Variants in KIF26A observed in about 807,000 individuals in gnomAD.
KIF26A encodes kinesin-like protein KIF26A.
A neutral mutation model predicts 126.0 loss-of-function variants in KIF26A; 74 were observed. The observed-to-expected ratio is 0.59, with a 90% confidence interval of 0.49 to 0.71. The LOEUF is 0.71. KIF26A is among the 30% of genes least tolerant of loss of function. KIF26A has a pLI of 0.00. For synonymous variants in KIF26A, 1,445 were observed against 1,232.7 expected, an observed-to-expected ratio of 1.17 and a Z score of -3.61; for missense variants, 2,984 against 2,763.3, an observed-to-expected ratio of 1.08 and a Z score of -1.79.
intron 4 of KIF26A, among the ~76,000 whole-genome samples, chr14:104,164,811 G>A (rs2039890): frequency 0.5 from 75,004 of 151,248 alleles, 18,863 homozygotes; most frequent in African/African-American, 0.59. Flanking sequence ...CTTTCTCTGT[G>A]TATCCTTGTC....
rs2038091668 is a variant in KIF26A at position 104,180,554 on chromosome 14, ATTTT to A, written c.*765_*768del. The A allele has an allele frequency of 6.6e-6, 1 of 152,568 alleles. No individual in the cohort carries two copies. Among genetic ancestry groups the A allele is most frequent in the Non-Finnish European group, 1.5e-5 (1 of 68,184 alleles). The allele number at this position is 152,568 out of a possible 1,614,324, so 9.5% of individuals were successfully genotyped here. ...TCTGTTAGGTTCATATTTTTATATC[ATTTT>A]GCCCATAAATGCGGAATTTGCCGTG... is the stretch of plus-strand genomic sequence containing the variant. On this transcript the variant is annotated 3_prime_UTR_variant, in exon 15 of 15. Transcript: ENST00000423312.
At chr14:104,174,009 C>G in intron 10 of KIF26A, 139 bp from the exon 11 acceptor site, 3 of 1,392,046 alleles carry the variant, frequency 2.2e-6, no homozygotes, top group Non-Finnish European at 1.9e-6. Context: ...CCTCGCTGCC[C>G]GTGGGCTGCC....
In KIF26A at chr14:104,177,854, G is replaced by C; in HGVS notation, c.5066G>C (p.Gly1689Ala). 6.4e-7 allele frequency: 1 copy of C among 1,562,180 alleles called. No individual in the cohort carries two copies. The highest frequency in any genetic ancestry group is 1.4e-5 in the African/African-American group (1 of 73,770). Residue 1689 changes from glycine to alanine, a missense_variant, in exon 12 of 15, where the codon GGC becomes GCC. By Grantham distance (60) the Gly-to-Ala change is moderately conservative. Transcript: ENST00000423312. ...AGCGAGAGTGGGGCTGCCTCCCCAG[G>C]CGCCCGCACCCGCAGCCTCAAGTCC... The part of the protein sequence containing the change: ...SMSESGAASP[G>A]ARTRSLKSPK...
intron 5 of KIF26A, among the ~76,000 whole-genome samples, chr14:104,170,876 C>T (rs543295217): frequency 3.7e-4 from 56 of 152,372 alleles, no homozygotes; most frequent in African/African-American, 1.2e-3. Flanking sequence ...AGGGTCTTCC[C>T]GAGTCCGGTG....
chr14:104,180,595 A>T lies in KIF26A; in HGVS notation c.*805A>T, dbSNP rs2038092141. ...CGGAATTTGCCGTGGGAATTTGAAG[A>T]CAAATGATCTATGTTTTTATGGTTT... On this transcript the variant is annotated 3_prime_UTR_variant, in exon 15 of 15. Coordinates refer to ENST00000423312, the MANE Select transcript of KIF26A (RefSeq NM_015656.2). 6.5e-6 allele frequency: 1 copy of T among 153,524 alleles called. No homozygotes were observed. The highest frequency in any genetic ancestry group is 1.5e-5 in the Non-Finnish European group (1 of 68,210). The allele number at this position is 153,524 out of a possible 1,614,324, so 9.5% of individuals were successfully genotyped here.
At chr14:104,164,677 CGTGTGTATGTGTGTGCTCTGT>C (rs2037863713) in intron 4 of KIF26A, among the ~76,000 whole-genome samples, 2 of 151,704 alleles carry the variant, frequency 1.3e-5, no homozygotes, top group Non-Finnish European at 2.9e-5. Context: ...TGCCTGTCTG[CGTGTGTATGTGTGTGCTCTGT>C]GTGTGTATGT....
rs745765923 is a variant in KIF26A, at chr14:104,177,519, C to A, written c.4731C>A (p.Gly1577=). Residue 1577 remains glycine, a synonymous_variant, in exon 12 of 15, where the codon GGC becomes GGA. Transcript: ENST00000423312. ...VHELSASGAP[G]RGGSSWGSAD... ...AGCTGTCAGCCAGTGGAGCCCCGGGCCGAGGTGGCTCCTCGTGGGGCTCGG... is the reference window on the plus strand; with the variant it reads ...AGCTGTCAGCCAGTGGAGCCCCGGGACGAGGTGGCTCCTCGTGGGGCTCGG... The A allele has an allele frequency of 2.0e-6, 3 of 1,535,848 alleles. No homozygotes were observed. The African/African-American group carries it at 4.1e-5, about 21-fold the overall frequency.
chr14:104,160,189 G>A (rs753967035), intron 4 of KIF26A, among the ~76,000 whole-genome samples: 2 of 152,162 alleles, frequency 1.3e-5, no homozygotes, highest in Non-Finnish European at 2.9e-5. Context: ...CTCAGGGAGC[G>A]GGCTTTGAGG....
chr14:104,156,654 G>T (rs556316140), intron 3 of KIF26A, among the ~76,000 whole-genome samples: 19 of 152,146 alleles, frequency 1.2e-4, no homozygotes, highest in Non-Finnish European at 2.8e-4. Flanking sequence ...CTCCATGGTG[G>T]TGAGGAGGGA....
chr14:104,161,124 AG>A (rs2037829005), intron 4 of KIF26A, among the ~76,000 whole-genome samples: 1 of 152,240 alleles, frequency 6.6e-6, no homozygotes, highest in Non-Finnish European at 1.5e-5. Flanking sequence ...TCCAGGACAC[AG>A]GAAGTGTGGA....
At chr14:104,166,178 G>GGGCA (rs2037898227) in intron 4 of KIF26A, among the ~76,000 whole-genome samples, 2 of 138,466 alleles carry the variant, frequency 1.4e-5, no homozygotes, top group African/African-American at 5.6e-5. Flanking sequence ...GACGAGGGTG[G>GGGCA]CAGGGGCCCA....
At chr14:104,158,863 C>T (rs1037024812) in intron 4 of KIF26A, among the ~76,000 whole-genome samples, 3 of 152,312 alleles carry the variant, frequency 2.0e-5, no homozygotes, top group South Asian at 4.1e-4. Context: ...TGTAAGGATG[C>T]GGATTACAGG....
chr14:104,171,677 G>A (rs374676074), intron 5 of KIF26A, 46 bp from the exon 6 acceptor site: 792 of 1,495,092 alleles, frequency 5.3e-4, no homozygotes, highest in Non-Finnish European at 6.1e-4. Flanking sequence ...ATTAGTGGCC[G>A]GCTGGGCGGA....
At position 104,172,764 on chromosome 14, in the gene KIF26A, C is replaced by A. The variant is rs554610148; in HGVS notation, c.1420+96C>A. On this transcript the variant is annotated intron_variant, in intron 7 of 14. Transcript: ENST00000423312. Reference sequence around the variant, plus strand: ...TGGCAGCTTCTGATGGGAAAGGAGGCTGGTCCTACACATGGGCCGTGGTGG... The same window carrying A: ...TGGCAGCTTCTGATGGGAAAGGAGGATGGTCCTACACATGGGCCGTGGTGG... 1.6e-4 allele frequency: 179 copies of A among 1,142,932 alleles called. 2 individuals are homozygous for A. The African/African-American group carries it at 2.3e-3, about 14-fold the overall frequency. 70.8% of individuals were successfully genotyped at this position (1,142,932 alleles called of 1,614,324 possible).
In KIF26A at chr14:104,171,802, C is replaced by T. The variant is rs182606134; in HGVS notation, c.1193C>T (p.Pro398Leu). ...AEAMSFLKVD[P>L]RKKQVILYDP... ...GCCATGTCCTTCCTGAAGGTGGACC[C>T]TCGGAAGAAGCAGGTGATCCTCTAC... The change falls in exon 6 of 15, where the codon CCT becomes CTT. Residue 398 changes from proline (P) to leucine (L), a missense_variant. By Grantham distance (98) the Pro-to-Leu change is moderately conservative (BLOSUM62 -3). Coordinates refer to ENST00000423312, the MANE Select transcript of KIF26A (RefSeq NM_015656.2). The T allele has an allele frequency of 1.3e-6, 2 of 1,570,450 alleles. No homozygotes were observed. The highest frequency in any genetic ancestry group is 1.4e-5 in the African/African-American group (1 of 73,998).
chr14:104,174,861 G>A, intron 11 of KIF26A, 121 bp from the exon 12 acceptor site: 1 of 1,052,634 alleles, frequency 9.5e-7, no homozygotes, highest in South Asian at 1.7e-5. Context: ...CATGGTTGGT[G>A]GTGCCTGCTG....
chr14:104,142,383 G>C (rs1271756524), intron 2 of KIF26A, among the ~76,000 whole-genome samples: 1 of 151,690 alleles, frequency 6.6e-6, no homozygotes, highest in South Asian at 2.1e-4. Context: ...CTCAGGCCTT[G>C]TCTCCGGGCT....
intron 12 of KIF26A, among the ~76,000 whole-genome samples, 156 bp downstream of exon 12, chr14:104,178,054 G>A (rs550052625): frequency 1.4e-4 from 21 of 152,316 alleles, no homozygotes; most frequent in African/African-American, 4.6e-4. Flanking sequence ...TTACAGACTC[G>A]CCTGGGGCTT....
chr14:104,176,999 C>T lies in KIF26A; in HGVS notation c.4211C>T (p.Pro1404Leu), dbSNP rs920283491. 33 of 1,545,996 alleles carry T rather than the reference C, an allele frequency of 2.1e-5. No homozygotes were observed. The East Asian group carries it at 3.4e-4, about 16-fold the overall frequency. ...AVLRGEEEPR[P>L]SSRADHSVPR... ...CTTCGAGGGGAGGAGGAGCCCAGAC[C>T]CAGCAGCCGGGCTGACCACTCTGTC... The change falls in exon 12 of 15, where the codon CCC becomes CTC. Residue 1404 changes from proline (P) to leucine (L), a missense_variant. Transcript: ENST00000423312.
Sources: gnomAD v4.1 joint callset for allele counts (sites outside exome capture counted in the v4.1 genomes callset) on GRCh38, gnomAD v4.1.1 for gene constraint, MANE v1.5 for transcripts, NCBI Gene and HGNC (gene_info 2026-07-23, HGNC 2026-07-21) for gene names.